Variants in MBOAT2 observed in about 807,000 individuals in gnomAD.
The protein encoded by MBOAT2 is membrane bound glycerophospholipid O-acyltransferase 2.
MBOAT2 carries 28 observed loss-of-function variants against 63.4 expected under a neutral mutation model. The observed-to-expected ratio is 0.44, with a 90% CI of 0.33 to 0.61. The LOEUF (loss-of-function observed/expected upper bound fraction) is 0.61, where lower values mean the gene tolerates loss of function less well. Among genes scored for constraint, MBOAT2 ranks in the 20% least tolerant of loss-of-function variants. The pLI, the probability that MBOAT2 is intolerant of heterozygous loss-of-function variation, is 0.03. For missense variants in MBOAT2, 470 were observed against 605.8 expected (o/e 0.78, Z 2.35); for synonymous variants, 211 against 215.6 (o/e 0.98, Z 0.19).
At chr2:8,956,453 C>A (rs1669229894) in intron 2 of MBOAT2, among the ~76,000 whole-genome samples, 1 of 152,136 alleles carries the variant, frequency 6.6e-6, no homozygotes, top group African/African-American at 2.4e-5. Context: ...GTAATCCCAA[C>A]ACTTTGGGAA....
At chr2:8,921,023 T>C (rs770888049) in intron 3 of MBOAT2, among the ~76,000 whole-genome samples, 1 of 152,156 alleles carries the variant, frequency 6.6e-6, no homozygotes, top group Non-Finnish European at 1.5e-5. Flanking sequence ...AGACAACATA[T>C]AGTTAGATTT....
chr2:8,893,647 A>C (rs1470742358), intron 4 of MBOAT2, among the ~76,000 whole-genome samples: 2 of 152,182 alleles, frequency 1.3e-5, no homozygotes, highest in Non-Finnish European at 2.9e-5. Context: ...GTTCCTGGAG[A>C]AGCTTTCTCT....
intron 3 of MBOAT2, among the ~76,000 whole-genome samples, chr2:8,918,308 G>C (rs912028074): frequency 2.0e-4 from 30 of 152,188 alleles, no homozygotes; most frequent in African/African-American, 6.5e-4. Flanking sequence ...CCAGGGTTCA[G>C]TTTGCATCTT....
chr2:8,891,924 G>C (rs1664032860), intron 4 of MBOAT2, among the ~76,000 whole-genome samples: 1 of 152,148 alleles, frequency 6.6e-6, no homozygotes, highest in South Asian at 2.1e-4. Context: ...ACTGTCCAAA[G>C]TAATACTTCA....
chr2:8,896,833 CATCT>C (rs1664513582), intron 4 of MBOAT2, among the ~76,000 whole-genome samples: 1 of 152,196 alleles, frequency 6.6e-6, no homozygotes, highest in Non-Finnish European at 1.5e-5. Context: ...TGGGAGGAAC[CATCT>C]ATCTCCTGTC....
At chr2:8,948,216 G>C (rs1045327223) in intron 2 of MBOAT2, among the ~76,000 whole-genome samples, 3 of 152,202 alleles carry the variant, frequency 2.0e-5, no homozygotes, top group Non-Finnish European at 4.4e-5. Flanking sequence ...GCAATCTCAT[G>C]ATAAAACTTC....
chr2:8,904,173 C>CA (rs1665166773), intron 4 of MBOAT2, among the ~76,000 whole-genome samples: 1 of 151,970 alleles, frequency 6.6e-6, no homozygotes, highest in Non-Finnish European at 1.5e-5. Flanking sequence ...CGAGTTTTGC[C>CA]ATATTGGTCA....
Position 8,895,275 on chromosome 2 carries a change from T to C in MBOAT2, c.396-7202A>G, listed in dbSNP as rs554662566. 2.0e-5 allele frequency among the ~76,000 whole-genome samples: 3 copies of C among 152,272 alleles called. No individual in the cohort carries two copies. The East Asian group carries it at 5.8e-4, about 29-fold the overall frequency. Reference sequence around the variant, plus strand: ...ATTCTACAGAGTGCTGATTGGCCCATTTTACAGAGTGCTGATTGGTCCATT... The same window carrying C: ...ATTCTACAGAGTGCTGATTGGCCCACTTTACAGAGTGCTGATTGGTCCATT... On this transcript the variant is annotated intron_variant, in intron 4 of 12. Coordinates refer to ENST00000305997, the MANE Select transcript of MBOAT2 (RefSeq NM_138799.4).
At chr2:8,952,614 A>G (rs982472081) in intron 2 of MBOAT2, among the ~76,000 whole-genome samples, 4 of 152,228 alleles carry the variant, frequency 2.6e-5, no homozygotes, top group African/African-American at 9.6e-5. Flanking sequence ...GCACATGTAC[A>G]CACTAGGATA....
In MBOAT2 at chr2:8,896,467, G is replaced by A. The variant is rs561894429; in HGVS notation, c.396-8394C>T. On this transcript the variant is annotated intron_variant, in intron 4 of 12. Coordinates refer to ENST00000305997, the MANE Select transcript of MBOAT2 (RefSeq NM_138799.4). ...GAGTCTATTTGGGATTGTAGAGTAA[G>A]GATAGATTTCGTCACTTCCTGCAAA... Among the ~76,000 whole-genome samples, 7 of 152,202 alleles carry A rather than the reference G, an allele frequency of 4.6e-5. No individual in the cohort carries two copies. In the South Asian group the frequency reaches 1.5e-3, roughly 32 times the overall value.
At chr2:8,959,549 C>T (rs193008006) in intron 1 of MBOAT2, among the ~76,000 whole-genome samples, 3 of 151,814 alleles carry the variant, frequency 2.0e-5, no homozygotes, top group Non-Finnish European at 4.4e-5. Context: ...GCAGCCTCTA[C>T]CTCCCGGGCT....
At chr2:8,936,984 G>A (rs1045882966) in intron 3 of MBOAT2, among the ~76,000 whole-genome samples, 2 of 152,150 alleles carry the variant, frequency 1.3e-5, no homozygotes, top group Non-Finnish European at 2.9e-5. Context: ...ATTCCAATTA[G>A]GTACGCCTGA....
chr2:8,882,651 A>G (rs530492203), intron 5 of MBOAT2, 86 bp from the exon 6 acceptor site: 2 of 1,188,112 alleles, frequency 1.7e-6, no homozygotes, highest in East Asian at 4.8e-5. Flanking sequence ...TACTTTCCTC[A>G]TTTGAAATTC....
Position 8,884,195 on chromosome 2 carries a change from C to CAAAAAAAAAAAAAAA in MBOAT2, c.452-1645_452-1631dup, listed in dbSNP as rs1169179642. Among the ~76,000 whole-genome samples the CAAAAAAAAAAAAAAA allele has an allele frequency of 9.0e-5, 2 of 22,100 alleles. 1 individual carries two copies. The highest frequency in any genetic ancestry group is 1.8e-4 in the Non-Finnish European group (2 of 11,286). 14.5% of individuals were successfully genotyped at this position (22,100 alleles called of 152,430 possible). A position where few individuals can be genotyped will look rare whatever the true frequency, so the allele number is the denominator to read the frequency against. ...AGGTTTCAGTGAGCCAAGACTCAGC[C>CAAAAAAAAAAAAAAA]AAAAAAAAAAAAAAAAAAAAAAAAA... On this transcript the variant is annotated intron_variant, in intron 5 of 12. Coordinates refer to ENST00000305997, the MANE Select transcript of MBOAT2 (RefSeq NM_138799.4).
intron 5 of MBOAT2, among the ~76,000 whole-genome samples, chr2:8,886,516 ATG>A (rs1218158323): frequency 1.3e-5 from 2 of 152,182 alleles, no homozygotes; most frequent in Non-Finnish European, 2.9e-5. Context: ...GGTAGGTGGT[ATG>A]GGATGTGGCA....
chr2:8,936,217 A>AT (rs545557643), intron 3 of MBOAT2, among the ~76,000 whole-genome samples: 103 of 152,328 alleles, frequency 6.8e-4, no homozygotes, highest in Non-Finnish European at 1.3e-3. Flanking sequence ...CAGCATCAGC[A>AT]TAACAAACAT....
intron 3 of MBOAT2, among the ~76,000 whole-genome samples, chr2:8,933,827 T>C (rs542372303): frequency 6.6e-6 from 1 of 152,096 alleles, no homozygotes; most frequent in East Asian, 1.9e-4. Context: ...TTATCAACCC[T>C]CTAATTAACA....
chr2:8,998,680 G>A (rs1217368475), intron 1 of MBOAT2, among the ~76,000 whole-genome samples: 2 of 151,144 alleles, frequency 1.3e-5, no homozygotes, highest in Non-Finnish European at 3.0e-5. Flanking sequence ...CAAGGATCTC[G>A]TAAGCCCACA....
chr2:8,975,016 T>C (rs1670719058), intron 1 of MBOAT2, among the ~76,000 whole-genome samples: 1 of 152,084 alleles, frequency 6.6e-6, no homozygotes. Context: ...AAGTATAGCC[T>C]CCTCACAAAC....
Sources: gnomAD v4.1 joint callset for allele counts (sites outside exome capture counted in the v4.1 genomes callset) on GRCh38, gnomAD v4.1.1 for gene constraint, MANE v1.5 for transcripts, NCBI Gene and HGNC (gene_info 2026-07-23, HGNC 2026-07-21) for gene names.